VWA3A: variants seen among roughly 807,000 people sequenced by gnomAD.
The protein encoded by VWA3A is von Willebrand factor A domain containing 3A, also known as von Willebrand factor A domain-containing protein 3A.
A neutral mutation model predicts 160.4 loss-of-function variants in VWA3A; 134 were observed. The observed-to-expected ratio is 0.84, with a 90% CI of 0.73 to 0.96. The LOEUF is 0.96. Among genes scored for constraint, VWA3A ranks in the 40% least tolerant of loss-of-function variants. The probability of loss-of-function intolerance (pLI) is 0.00; values close to 1 mark genes in which losing one functional copy is unlikely to be tolerated. For synonymous variants in VWA3A, 476 were observed against 543.4 expected (o/e 0.88, Z 1.72); for missense variants, 1,310 against 1,447.9 (o/e 0.90, Z 1.55).
Position 22,141,645 on chromosome 16 carries a change from C to G in VWA3A, c.2447C>G (p.Ala816Gly), listed in dbSNP as rs747075031. The G allele has an allele frequency of 1.2e-5, 19 of 1,612,480 alleles. 1 individual carries two copies. The highest frequency in any genetic ancestry group is 1.7e-4 in the Middle Eastern group (1 of 6,060). ...AGGAGGAAGACCAAGTCAAGGGAAG[C>G]AGAGACATCTCTTTTACTGTTCTAC... Reference protein sequence around the residue: ...ELRRKTKSREAETSLLLFYTE... With the variant: ...ELRRKTKSREGETSLLLFYTE... The change falls in exon 24 of 34, where the codon GCA becomes GGA. Residue 816 changes from alanine to glycine, a missense_variant. Physicochemically the swap from Ala to Gly is moderately conservative, Grantham distance 60. Transcript: ENST00000389398.
chr16:22,115,450 C>A lies in VWA3A; in HGVS notation c.793C>A (p.Leu265Met). Residue 265 changes from leucine (L) to methionine (M), a missense_variant, in exon 9 of 34, where the codon CTG becomes ATG. Physicochemically the swap from Leu to Met is conservative, Grantham distance 15. Transcript: ENST00000389398. ...CTTCACTCTCAAGGGACTGGATTCC[C>A]TGGTGGCCATCATGAGAAGCTGGTA... ...KIFTLKGLDS[L>M]VAIMRSCPDQ... is the part of the protein sequence containing the mutation. 1 of 1,608,358 alleles carries A rather than the reference C, an allele frequency of 6.2e-7. No homozygotes were observed.
intron 25 of VWA3A, among the ~76,000 whole-genome samples, chr16:22,143,947 C>T (rs980270424): frequency 2.6e-5 from 4 of 151,746 alleles, no homozygotes; most frequent in African/African-American, 9.7e-5. Context: ...ACCATGTTGG[C>T]CAGGCTGTTC....
chr16:22,138,233 G>C (rs549940523), intron 21 of VWA3A, 127 bp from the exon 22 acceptor site: 7 of 1,189,592 alleles, frequency 5.9e-6, no homozygotes, highest in Non-Finnish European at 8.0e-6. Context: ...TGGCTTTCTA[G>C]GGACAAAAAG....
chr16:22,134,313 G>T (rs897186007), intron 20 of VWA3A, 55 bp from the exon 21 acceptor site: 1 of 1,500,246 alleles, frequency 6.7e-7, no homozygotes, highest in South Asian at 1.2e-5. Context: ...TGATGGGGAC[G>T]CTTGCCAGGA....
At chr16:22,131,798 C>A (rs941607263) in intron 19 of VWA3A, 69 bp downstream of exon 19, 8 of 1,531,986 alleles carry the variant, frequency 5.2e-6, no homozygotes, top group Admixed American at 2.1e-5. Flanking sequence ...AGGTGGATAC[C>A]TTGCCAAGGT....
chr16:22,145,054 G>T (rs1029913587), intron 26 of VWA3A, among the ~76,000 whole-genome samples: 43 of 152,194 alleles, frequency 2.8e-4, no homozygotes, highest in African/African-American at 1.0e-3. Flanking sequence ...GTTGTGATAG[G>T]AAGTGAAGGG....
intron 16 of VWA3A, among the ~76,000 whole-genome samples, chr16:22,125,855 A>G (rs1038544375): frequency 3.3e-5 from 5 of 152,294 alleles, no homozygotes; most frequent in Admixed American, 6.5e-5. Flanking sequence ...TCATATTCTG[A>G]CCTATAAAAA....
chr16:22,098,523 T>C (rs531015490), intron 3 of VWA3A, among the ~76,000 whole-genome samples: 1 of 152,242 alleles, frequency 6.6e-6, no homozygotes, highest in East Asian at 1.9e-4. Context: ...ATCATTCTTA[T>C]ATTTATCAGC....
At position 22,148,318 on chromosome 16, in the gene VWA3A, G is replaced by A. The variant is rs1304752292; in HGVS notation, c.2984+12G>A. The A allele has an allele frequency of 6.3e-7, 1 of 1,584,614 alleles. No homozygotes were observed. The highest frequency in any genetic ancestry group is 8.6e-7 in the Non-Finnish European group (1 of 1,165,676). On this transcript the variant is annotated intron_variant, in intron 28 of 33. Transcript: ENST00000389398. Reference sequence around the variant, plus strand: ...AAGTGCTGTGACAGGTAGGAGGCGAGGGCTGATCAGGAAGATCAAAGGGGC... The same window carrying A: ...AAGTGCTGTGACAGGTAGGAGGCGAAGGCTGATCAGGAAGATCAAAGGGGC...
At chr16:22,129,426 G>GAAAGAA (rs1375853747) in intron 17 of VWA3A, among the ~76,000 whole-genome samples, 7 of 150,434 alleles carry the variant, frequency 4.7e-5, no homozygotes, top group Admixed American at 2.7e-4. Context: ...AAGAAAGAAA[G>GAAAGAA]AGGTGCATGG....
At chr16:22,147,757 C>A (rs2046279890) in intron 27 of VWA3A, 5 of 685,052 alleles carry the variant, frequency 7.3e-6, no homozygotes, top group Middle Eastern at 3.7e-4. Flanking sequence ...CCAGCGATTT[C>A]TTTTGTAGTA....
chr16:22,131,533 T>A, intron 18 of VWA3A, 52 bp from the exon 19 acceptor site: 5 of 1,597,210 alleles, frequency 3.1e-6, no homozygotes, highest in Non-Finnish European at 4.3e-6. Context: ...CCAAAAGGTA[T>A]GCCCTGGGCA....
At chr16:22,141,828 C>G in intron 24 of VWA3A, 136 bp downstream of exon 24, 1 of 662,984 alleles carries the variant, frequency 1.5e-6, no homozygotes, top group Non-Finnish European at 2.5e-6. Flanking sequence ...GCAAGCCGTA[C>G]TCAACTCAGT....
At chr16:22,120,352 T>C (rs978125119) in intron 12 of VWA3A, among the ~76,000 whole-genome samples, 3 of 152,166 alleles carry the variant, frequency 2.0e-5, no homozygotes, top group African/African-American at 7.2e-5. Context: ...AACTAGCTCA[T>C]TATGGTCATC....
At position 22,156,720 on chromosome 16, in the gene VWA3A, G is replaced by C. The variant is rs949378018; in HGVS notation, c.*703G>C. On this transcript the variant is annotated 3_prime_UTR_variant, in exon 34 of 34. Transcript: ENST00000389398. ...CAGAGTCACAGTCAGCCCATCCTGG[G>C]GGAAGAAGAAACAAGTGAGCCTCAG... The C allele has an allele frequency of 2.6e-5, 4 of 152,160 alleles. No individual in the cohort carries two copies. Among genetic ancestry groups the C allele is most frequent in the African/African-American group, 9.7e-5 (4 of 41,430 alleles). 9.4% of individuals were successfully genotyped at this position (152,160 alleles called of 1,614,324 possible). A position where few individuals can be genotyped will look rare whatever the true frequency, so the allele number is the denominator to read the frequency against.
chr16:22,138,338 G>T, intron 21 of VWA3A, 22 bp from the exon 22 acceptor site: 1 of 1,566,710 alleles, frequency 6.4e-7, no homozygotes, highest in Non-Finnish European at 8.6e-7. Flanking sequence ...GGGTGCCACT[G>T]ACCCTCCCAA....
At chr16:22,127,253 A>G (rs2045866722) in intron 17 of VWA3A, among the ~76,000 whole-genome samples, 1 of 151,834 alleles carries the variant, frequency 6.6e-6, no homozygotes, top group African/African-American at 2.4e-5. Flanking sequence ...CAGCCTCCCA[A>G]GTAGCTGGGT....
At chr16:22,121,436 C>G in intron 13 of VWA3A, 78 bp from the exon 14 acceptor site, 1 of 1,195,168 alleles carries the variant, frequency 8.4e-7, no homozygotes, top group South Asian at 1.2e-5. Context: ...AGAGCAAAAC[C>G]CTGTCTCAAA....
At chr16:22,153,757 T>TTC (rs34593549) in intron 31 of VWA3A, among the ~76,000 whole-genome samples, 70 of 150,996 alleles carry the variant, frequency 4.6e-4, no homozygotes, top group African/African-American at 1.7e-3. Flanking sequence ...TTTTTTTTTT[T>TTC]GAGACAGGGT....
Sources: allele counts gnomAD v4.1 joint callset (sites outside exome capture counted in the v4.1 genomes callset), GRCh38; gene constraint gnomAD v4.1.1; transcripts MANE v1.5; gene names NCBI Gene and HGNC (gene_info 2026-07-23, HGNC 2026-07-21).